The following FRMD4A variants were observed in gnomAD, a reference collection of about 807,000 sequenced individuals.
FRMD4A encodes the protein FERM domain-containing protein 4A.
FRMD4A carries 29 observed loss-of-function variants against 129.1 expected under a neutral mutation model. That is an observed-to-expected ratio of 0.22 (90% CI 0.17 to 0.31). The LOEUF (loss-of-function observed/expected upper bound fraction) is 0.31. FRMD4A is among the 10% of genes least tolerant of loss of function. The pLI, the probability that FRMD4A is intolerant of heterozygous loss-of-function variation, is 1.00. For synonymous variants in FRMD4A, 634 were observed against 571.6 expected (o/e 1.11, Z -1.56); for missense variants, 1,272 against 1,375.8 (o/e 0.92, Z 1.19).
chr10:13,660,276 G>A, intron 20 of FRMD4A, 40 bp downstream of exon 20: 10 of 1,270,414 alleles, frequency 7.9e-6, no homozygotes, highest in Non-Finnish European at 1.2e-5. Flanking sequence ...CCAGAGCATA[G>A]AGGGAGGCCT....
intron 2 of FRMD4A, among the ~76,000 whole-genome samples, chr10:14,184,897 G>C (rs1171186950): frequency 1.3e-5 from 2 of 152,144 alleles, no homozygotes; most frequent in African/African-American, 2.4e-5. Flanking sequence ...TGGGTACTGC[G>C]ATGGAGCACA....
intron 2 of FRMD4A, among the ~76,000 whole-genome samples, chr10:14,015,316 C>T (rs975702113): frequency 5.6e-5 from 8 of 142,430 alleles, no homozygotes; most frequent in Non-Finnish European, 1.1e-4. Context: ...CCTTTCTTCC[C>T]TTCCTCTTCT....
intron 2 of FRMD4A, among the ~76,000 whole-genome samples, chr10:14,167,730 G>A (rs1031863385): frequency 6.6e-6 from 1 of 152,026 alleles, no homozygotes; most frequent in African/African-American, 2.4e-5. Context: ...AGATTTCCCA[G>A]AGGATGTGGC....
chr10:13,654,872 T>A, intron 22 of FRMD4A: 1 of 276,918 alleles, frequency 3.6e-6, no homozygotes. Flanking sequence ...CCCATAGTCC[T>A]TTGAGCGAGA....
At chr10:13,775,601 A>C (rs1160697498) in intron 6 of FRMD4A, among the ~76,000 whole-genome samples, 1 of 152,120 alleles carries the variant, frequency 6.6e-6, no homozygotes, top group Non-Finnish European at 1.5e-5. Context: ...AAACAGGAAG[A>C]CTCCGGATCC....
intron 4 of FRMD4A, among the ~76,000 whole-genome samples, chr10:13,808,947 A>G (rs1464237432): frequency 6.6e-6 from 1 of 152,212 alleles, no homozygotes; most frequent in Admixed American, 6.5e-5. Context: ...AGGGGGCAAG[A>G]CACTTTTATC....
At chr10:13,830,409 T>A (rs893180450) in intron 3 of FRMD4A, among the ~76,000 whole-genome samples, 4 of 152,222 alleles carry the variant, frequency 2.6e-5, no homozygotes, top group African/African-American at 4.8e-5. Flanking sequence ...ACAGCAAGCA[T>A]GCATCTTTCT....
At chr10:14,072,410 G>A (rs568112067) in intron 2 of FRMD4A, among the ~76,000 whole-genome samples, 43 of 152,276 alleles carry the variant, frequency 2.8e-4, no homozygotes, top group Admixed American at 1.4e-3. Context: ...CATATCCTCC[G>A]TCCTTCTACT....
intron 2 of FRMD4A, among the ~76,000 whole-genome samples, chr10:13,958,301 T>TC (rs397953724): frequency 1.5e-5 from 2 of 133,232 alleles, no homozygotes; most frequent in Non-Finnish European, 3.3e-5. Flanking sequence ...TTTTTTTTTT[T>TC]GGAGACGGAG....
chr10:14,123,634 C>T (rs1838661810), intron 2 of FRMD4A, among the ~76,000 whole-genome samples: 1 of 152,196 alleles, frequency 6.6e-6, no homozygotes, highest in Non-Finnish European at 1.5e-5. Flanking sequence ...CAAAGCCCTT[C>T]TTCAGTGGAA....
chr10:13,731,277 G>C (rs149113235), intron 12 of FRMD4A, among the ~76,000 whole-genome samples: 1 of 152,182 alleles, frequency 6.6e-6, no homozygotes, highest in Non-Finnish European at 1.5e-5. Context: ...CAAAGAGGGA[G>C]GGGGAAACAT....
At chr10:14,118,586 A>G (rs1030158419) in intron 2 of FRMD4A, among the ~76,000 whole-genome samples, 4 of 152,178 alleles carry the variant, frequency 2.6e-5, no homozygotes, top group African/African-American at 9.7e-5. Context: ...TGAAGAAAAG[A>G]GGTTTAATGG....
chr10:14,310,097 C>T (rs1846492553), intron 2 of FRMD4A, among the ~76,000 whole-genome samples: 1 of 152,240 alleles, frequency 6.6e-6, no homozygotes, highest in Admixed American at 6.5e-5. Flanking sequence ...GATCCTACCT[C>T]TCATCGAGGA....
chr10:13,850,386 C>T (rs542386799), intron 3 of FRMD4A, among the ~76,000 whole-genome samples: 2 of 152,232 alleles, frequency 1.3e-5, no homozygotes, highest in East Asian at 3.9e-4. Flanking sequence ...GATGGGATAT[C>T]ACCAGCATCG....
At chr10:14,109,489 TAG>T (rs1412372801) in intron 2 of FRMD4A, among the ~76,000 whole-genome samples, 2 of 152,140 alleles carry the variant, frequency 1.3e-5, no homozygotes, top group African/African-American at 2.4e-5. Context: ...GACATAAAAA[TAG>T]AGTGTCCCAA....
At chr10:13,988,018 G>A (rs2095588273) in intron 2 of FRMD4A, among the ~76,000 whole-genome samples, 18 of 152,024 alleles carry the variant, frequency 1.2e-4, no homozygotes, top group Admixed American at 1.2e-3. Context: ...ACAGAAACAA[G>A]CACATTTGAT....
At chr10:13,670,264 A>G in intron 17 of FRMD4A, 142 bp downstream of exon 17, 1 of 760,574 alleles carries the variant, frequency 1.3e-6, no homozygotes, top group Non-Finnish European at 2.2e-6. Flanking sequence ...CTGACCGGCC[A>G]GCTCACTCAA....
chr10:14,122,293 G>T (rs976256617), intron 2 of FRMD4A, among the ~76,000 whole-genome samples: 3 of 151,756 alleles, frequency 2.0e-5, no homozygotes, highest in Non-Finnish European at 4.4e-5. Flanking sequence ...ATATGTTCTT[G>T]CCCTGCCATA....
chr10:13,722,511 G>A (rs1419250025), intron 12 of FRMD4A, among the ~76,000 whole-genome samples: 1 of 151,174 alleles, frequency 6.6e-6, no homozygotes, highest in African/African-American at 2.4e-5. Flanking sequence ...CTCCCAAACT[G>A]TTGAGATTAC....
Sources: gnomAD v4.1 joint callset for allele counts (sites outside exome capture counted in the v4.1 genomes callset) on GRCh38, gnomAD v4.1.1 for gene constraint, MANE v1.5 for transcripts, NCBI Gene and HGNC (gene_info 2026-07-23, HGNC 2026-07-21) for gene names.